PABPC4L: variants seen among roughly 807,000 people sequenced by gnomAD.
The protein encoded by PABPC4L is poly(A) binding protein cytoplasmic 4 like.
For synonymous variants in PABPC4L, 169 were observed against 164.1 expected (o/e 1.03, Z -0.23); for missense variants, 452 against 451.4 (o/e 1.00, Z -0.01).
At chr4:134,201,469 A>G (rs555144481) in intron 1 of PABPC4L, among the ~76,000 whole-genome samples, 2 of 152,184 alleles carry the variant, frequency 1.3e-5, no homozygotes, top group East Asian at 3.9e-4. Flanking sequence ...GCCGTGGAGT[A>G]TGGGCTGCGA....
chr4:134,077,517 C>T, the PABPC4L span, among the ~76,000 whole-genome samples: 1 of 152,072 alleles, frequency 6.6e-6, no homozygotes, highest in Non-Finnish European at 1.5e-5. Context: ...TGTGGGTTAA[C>T]ATCATTGGGT....
At chr4:134,047,065 C>G in the PABPC4L span, among the ~76,000 whole-genome samples, 1 of 152,298 alleles carries the variant, frequency 6.6e-6, no homozygotes, top group Non-Finnish European at 1.5e-5. Flanking sequence ...TACAAGCATG[C>G]CTTCCTTTCT....
chr4:133,965,289 A>G, the PABPC4L span, among the ~76,000 whole-genome samples: 1 of 152,070 alleles, frequency 6.6e-6, no homozygotes, highest in Admixed American at 6.6e-5. Context: ...TACAAAGAAA[A>G]CTACTAAACA....
At chr4:134,195,787 T>C (rs1039972969), downstream of PABPC4L, among the ~76,000 whole-genome samples, 3 of 151,644 alleles carry the variant, frequency 2.0e-5, no homozygotes, top group African/African-American at 7.2e-5. Context: ...CACTTAATTA[T>C]ACATATTTCC....
At chr4:134,154,478 A>G in the PABPC4L span, among the ~76,000 whole-genome samples, 5 of 152,014 alleles carry the variant, frequency 3.3e-5, no homozygotes, top group East Asian at 9.6e-4. Context: ...ATAAATAAAT[A>G]ACATCTCCCC....
the PABPC4L span, among the ~76,000 whole-genome samples, chr4:134,141,458 C>T: frequency 6.7e-6 from 1 of 149,826 alleles, no homozygotes; most frequent in African/African-American, 2.4e-5. Flanking sequence ...AGATCTCTTT[C>T]TATATATATG....
chr4:134,092,875 A>C, the PABPC4L span, among the ~76,000 whole-genome samples: 364 of 152,182 alleles, frequency 2.4e-3, 1 homozygote, highest in African/African-American at 8.3e-3. Flanking sequence ...ATATTTTGCA[A>C]TGGTCCTTTT....
At chr4:134,059,398 ATATATATAGTGTGCGTG>A in the PABPC4L span, among the ~76,000 whole-genome samples, 2 of 149,762 alleles carry the variant, frequency 1.3e-5, no homozygotes, top group Non-Finnish European at 3.0e-5. Context: ...ATATATATAT[ATATATATAGTGTGCGTG>A]TATATATAGT....
At chr4:134,194,314 T>A (rs1010350842), downstream of PABPC4L, among the ~76,000 whole-genome samples, 1 of 151,824 alleles carries the variant, frequency 6.6e-6, no homozygotes, top group Admixed American at 6.6e-5. Flanking sequence ...GAATAGTTTA[T>A]CTATAATAGC....
the PABPC4L span, among the ~76,000 whole-genome samples, chr4:133,980,879 C>T: frequency 1.3e-5 from 2 of 152,160 alleles, no homozygotes; most frequent in Non-Finnish European, 2.9e-5. Flanking sequence ...ACCAAAAGGC[C>T]GGGCACAGTG....
At chr4:133,987,470 T>C in the PABPC4L span, among the ~76,000 whole-genome samples, 12 of 152,180 alleles carry the variant, frequency 7.9e-5, no homozygotes, top group African/African-American at 2.9e-4. Context: ...AGGTTAATAC[T>C]ACATGTCTAT....
chr4:134,058,924 G>T, the PABPC4L span, among the ~76,000 whole-genome samples: 2 of 151,968 alleles, frequency 1.3e-5, no homozygotes, highest in Admixed American at 6.6e-5. Context: ...ATTTAGACGA[G>T]CAGTGAACAC....
the PABPC4L span, among the ~76,000 whole-genome samples, chr4:134,084,383 A>T: frequency 6.6e-6 from 1 of 152,232 alleles, no homozygotes; most frequent in African/African-American, 2.4e-5. Flanking sequence ...GATACATACA[A>T]CAAGGAGTGT....
the PABPC4L span, among the ~76,000 whole-genome samples, chr4:134,112,598 CTATCT>C: frequency 6.6e-6 from 1 of 151,520 alleles, no homozygotes; most frequent in Non-Finnish European, 1.5e-5. Context: ...ATCTATCTAT[CTATCT>C]ATCTATCTAT....
chr4:134,015,947 G>A, the PABPC4L span, among the ~76,000 whole-genome samples: 2 of 151,962 alleles, frequency 1.3e-5, no homozygotes, highest in Admixed American at 6.6e-5. Context: ...TCTGCTTCCT[G>A]GCTCCTTCAG....
At chr4:134,042,305 C>T in the PABPC4L span, among the ~76,000 whole-genome samples, 2 of 151,944 alleles carry the variant, frequency 1.3e-5, no homozygotes, top group Non-Finnish European at 2.9e-5. Flanking sequence ...TGGGGGTGGG[C>T]AGGGAGTGAA....
At chr4:134,185,769 T>C in the PABPC4L span, among the ~76,000 whole-genome samples, 9 of 152,150 alleles carry the variant, frequency 5.9e-5, no homozygotes, top group African/African-American at 2.2e-4. Flanking sequence ...GATGACATGA[T>C]TGTATCTTTA....
chr4:134,124,585 A>G, the PABPC4L span, among the ~76,000 whole-genome samples: 5 of 152,128 alleles, frequency 3.3e-5, no homozygotes, highest in East Asian at 9.7e-4. Flanking sequence ...TTCTTTCTAT[A>G]TTTTGACTTC....
chr4:134,133,714 A>G, the PABPC4L span, among the ~76,000 whole-genome samples: 1 of 151,872 alleles, frequency 6.6e-6, no homozygotes, highest in Non-Finnish European at 1.5e-5. Flanking sequence ...GTAAGGGACA[A>G]AAGACTATAC....
Sources: allele counts gnomAD v4.1 joint callset (sites outside exome capture counted in the v4.1 genomes callset), GRCh38; gene constraint gnomAD v4.1.1; transcripts MANE v1.5; gene names NCBI Gene and HGNC (gene_info 2026-07-23, HGNC 2026-07-21).